Variants in FAM20A observed in about 807,000 individuals in gnomAD.
The protein encoded by FAM20A is pseudokinase FAM20A.
FAM20A carries 42 observed loss-of-function variants against 52.0 expected under a neutral mutation model. The ratio of observed to expected loss-of-function variants is 0.81; its 90% CI spans 0.63 to 1.04. The LOEUF is 1.04. Among genes scored for constraint, FAM20A ranks in the 50% least tolerant of loss-of-function variants. The probability of loss-of-function intolerance (pLI) is 0.00; values close to 1 mark genes in which losing one functional copy is unlikely to be tolerated. For synonymous variants in FAM20A, 304 were observed against 298.9 expected, an observed-to-expected ratio of 1.02 and a Z score of -0.18; for missense variants, 742 against 712.7, an observed-to-expected ratio of 1.04 and a Z score of -0.47.
intron 1 of FAM20A, among the ~76,000 whole-genome samples, chr17:68,581,372 TTCTTTC>T (rs1264578044): frequency 7.0e-6 from 1 of 142,030 alleles, no homozygotes; most frequent in Non-Finnish European, 1.5e-5. Flanking sequence ...CTTTCTTTCT[TTCTTTC>T]TTTCTTTCTT....
chr17:68,577,627 T>C (rs543790281), intron 1 of FAM20A, among the ~76,000 whole-genome samples: 3 of 152,180 alleles, frequency 2.0e-5, no homozygotes, highest in South Asian at 2.1e-4. Flanking sequence ...GCTAGAGCCA[T>C]AGAATAATGA....
intron 7 of FAM20A, 123 bp from the exon 8 acceptor site, chr17:68,541,081 G>A: frequency 6.8e-7 from 1 of 1,463,862 alleles, no homozygotes; most frequent in Non-Finnish European, 9.2e-7. Flanking sequence ...GCTGGTGGCA[G>A]CTTCTAAAAT....
At chr17:68,574,439 T>C (rs2087669149) in intron 1 of FAM20A, among the ~76,000 whole-genome samples, 1 of 152,210 alleles carries the variant, frequency 6.6e-6, no homozygotes, top group Admixed American at 6.5e-5. Flanking sequence ...TGTTAATCCA[T>C]GGATCCATAA....
Position 68,540,842 on chromosome 17 carries a change from G to A in FAM20A, c.1219+7C>T. 1.9e-6 allele frequency: 3 copies of A among 1,592,264 alleles called. No individual in the cohort carries two copies. Among genetic ancestry groups the A allele is most frequent in the Non-Finnish European group, 2.6e-6 (3 of 1,168,464 alleles). Reference sequence around the variant, plus strand: ...CTTCTGCTGGGGGCCTGCGTGTGGGGACCTACCTATCAAGAAGTCGAAGAT... The same window carrying A: ...CTTCTGCTGGGGGCCTGCGTGTGGGAACCTACCTATCAAGAAGTCGAAGAT... On this transcript the variant is annotated splice_region_variant and intron_variant, in intron 8 of 10. Coordinates refer to ENST00000592554, the MANE Select transcript of FAM20A (RefSeq NM_017565.4).
rs1045898765 is a variant in FAM20A at position 68,535,358 on chromosome 17, T to A, written c.*2119A>T. The A allele has an allele frequency of 1.3e-5, 6 of 454,020 alleles. No individual in the cohort carries two copies. The highest frequency in any genetic ancestry group is 2.2e-5 in the Non-Finnish European group (5 of 226,808). The allele number at this position is 454,020 out of a possible 1,614,324, so 28.1% of individuals were successfully genotyped here. ...TGTTTGTAGAGTGCAGCAAAATGTG[T>A]ATATAGGCCATTGGAAAACCAGTCC... is the stretch of plus-strand genomic sequence containing the variant. On this transcript the variant is annotated 3_prime_UTR_variant, in exon 11 of 11. Transcript: ENST00000592554.
At chr17:68,581,462 CT>C (rs1568774781) in intron 1 of FAM20A, among the ~76,000 whole-genome samples, 1 of 6,186 alleles carries the variant, frequency 1.6e-4, no homozygotes, top group Non-Finnish European at 6.7e-4. Flanking sequence ...TCTTTCTTTC[CT>C]TTCTTTCTTT....
intron 1 of FAM20A, among the ~76,000 whole-genome samples, chr17:68,568,272 A>T (rs947238003): frequency 6.6e-6 from 1 of 151,850 alleles, no homozygotes; most frequent in African/African-American, 2.4e-5. Flanking sequence ...GATCAAGACC[A>T]TCCTGGCTAA....
At chr17:68,579,677 G>T (rs1217686886) in intron 1 of FAM20A, among the ~76,000 whole-genome samples, 2 of 152,142 alleles carry the variant, frequency 1.3e-5, no homozygotes, top group African/African-American at 4.8e-5. Flanking sequence ...TCTCGTGAAG[G>T]TCAGTAGGGA....
intron 3 of FAM20A, among the ~76,000 whole-genome samples, chr17:68,553,937 CA>C (rs1263848389): frequency 7.4e-6 from 1 of 134,448 alleles, no homozygotes; most frequent in Admixed American, 7.1e-5. Flanking sequence ...TGCATATATA[CA>C]TATATACACA....
chr17:68,573,467 CTTTCTTTCTCTT>C (rs1356961636), intron 1 of FAM20A, among the ~76,000 whole-genome samples: 69 of 150,102 alleles, frequency 4.6e-4, no homozygotes, highest in Middle Eastern at 3.4e-3. Context: ...TTCTTTCTTT[CTTTCTTTCTCTT>C]TCTTTCTTTC....
intron 7 of FAM20A, 94 bp from the exon 8 acceptor site, chr17:68,541,052 C>A: frequency 6.5e-7 from 1 of 1,535,034 alleles, no homozygotes; most frequent in Middle Eastern, 2.3e-4. Flanking sequence ...CAATCCCTGC[C>A]TCCCTGATCC....
chr17:68,582,780 ATTTTTTTTTTTT>A (rs34025800), intron 1 of FAM20A, among the ~76,000 whole-genome samples: 967 of 79,860 alleles, frequency 0.012, 9 homozygotes, highest in Non-Finnish European at 0.016. Context: ...GCCAGGATTA[ATTTTTTTTTTTT>A]TTTTTTTTTT....
At chr17:68,591,781 G>A in intron 1 of FAM20A, 1 of 152,408 alleles carries the variant, frequency 6.6e-6, no homozygotes, top group South Asian at 2.1e-4. Flanking sequence ...GTTTGCGTGG[G>A]GAGGAGCCTG....
intron 1 of FAM20A, among the ~76,000 whole-genome samples, chr17:68,584,127 A>T (rs2088095516): frequency 6.6e-6 from 1 of 151,948 alleles, no homozygotes; most frequent in Admixed American, 6.6e-5. Flanking sequence ...GACTAGCGTG[A>T]CCAACACGGT....
In FAM20A at chr17:68,540,953, T is replaced by G; in HGVS notation, c.1115A>C (p.Glu372Ala). 1 of 1,586,768 alleles carries G rather than the reference T, an allele frequency of 6.3e-7. No homozygotes were observed. The highest frequency in any genetic ancestry group is 8.6e-7 in the Non-Finnish European group (1 of 1,165,102). The change falls in exon 8 of 11, where the codon GAG becomes GCG. Residue 372 changes from glutamate (E) to alanine (A), a missense_variant. Physicochemically the swap from Glu to Ala is moderately radical, Grantham distance 107. Coordinates refer to ENST00000592554, the MANE Select transcript of FAM20A (RefSeq NM_017565.4). ...SYTLAGKEEWEVNPLYCDTVK... is the reference protein window; with the variant it reads ...SYTLAGKEEWAVNPLYCDTVK... ...TGTGTCACAGTAAAGGGGATTGACC[T>G]CCCACCTGAGGGGGAGAAGAAGTCC...
At chr17:68,595,182 T>G (rs1172084824) in intron 1 of FAM20A, among the ~76,000 whole-genome samples, 1 of 152,234 alleles carries the variant, frequency 6.6e-6, no homozygotes, top group Non-Finnish European at 1.5e-5. Flanking sequence ...AGAACTTGGT[T>G]GTGGTGAAAG....
intron 5 of FAM20A, 55 bp downstream of exon 5, chr17:68,543,574 C>T (rs535049774): frequency 1.3e-6 from 2 of 1,516,576 alleles, no homozygotes; most frequent in South Asian, 1.1e-5. Context: ...CTAGCCACCC[C>T]TCCCAGAGGA....
intron 1 of FAM20A, among the ~76,000 whole-genome samples, chr17:68,559,216 G>A (rs1281915531): frequency 6.6e-6 from 1 of 152,152 alleles, no homozygotes; most frequent in Non-Finnish European, 1.5e-5. Context: ...AGGCTCAAAA[G>A]CTAAATGCTC....
chr17:68,593,658 A>G (rs2088370772), intron 1 of FAM20A, among the ~76,000 whole-genome samples: 1 of 152,242 alleles, frequency 6.6e-6, no homozygotes, highest in Non-Finnish European at 1.5e-5. Flanking sequence ...CCATTGACTA[A>G]CAGCCCCCAA....
Sources: allele counts gnomAD v4.1 joint callset (sites outside exome capture counted in the v4.1 genomes callset), GRCh38; gene constraint gnomAD v4.1.1; transcripts MANE v1.5; gene names NCBI Gene and HGNC (gene_info 2026-07-23, HGNC 2026-07-21).